The following PTPRM variants were observed in gnomAD, a reference collection of about 807,000 sequenced individuals.
PTPRM encodes the protein protein tyrosine phosphatase receptor type M, also known as receptor-type tyrosine-protein phosphatase mu.
PTPRM carries 47 observed loss-of-function variants against 186.7 expected under a neutral mutation model. The ratio of observed to expected loss-of-function variants is 0.25; its 90% CI spans 0.20 to 0.32. PTPRM has a LOEUF of 0.32. PTPRM is among the 10% of genes least tolerant of loss of function. The probability of loss-of-function intolerance (pLI) is 1.00; values close to 1 mark genes in which losing one functional copy is unlikely to be tolerated. For synonymous variants in PTPRM, 668 were observed against 674.9 expected (o/e 0.99, Z 0.16); for missense variants, 1,494 against 1,865.0 (o/e 0.80, Z 3.66).
intron 2 of PTPRM, chr18:7,887,878 A>G (rs1567970160): frequency 1.4e-6 from 1 of 696,814 alleles, no homozygotes; most frequent in Admixed American, 2.0e-5. Flanking sequence ...AAATTACAGT[A>G]ACATCCAGGG....
chr18:8,147,187 C>T (rs1023111252), intron 14 of PTPRM, among the ~76,000 whole-genome samples: 6 of 152,052 alleles, frequency 3.9e-5, no homozygotes, highest in Non-Finnish European at 7.4e-5. Flanking sequence ...CTATGAAGAA[C>T]GTCAATGGTA....
At chr18:7,780,403 C>A (rs1598669981) in intron 2 of PTPRM, among the ~76,000 whole-genome samples, 1 of 152,254 alleles carries the variant, frequency 6.6e-6, no homozygotes, top group East Asian at 1.9e-4. Context: ...GAACATGCAT[C>A]TGGGGAAGAG....
At chr18:8,050,451 T>G (rs2087402089) in intron 7 of PTPRM, among the ~76,000 whole-genome samples, 1 of 151,378 alleles carries the variant, frequency 6.6e-6, no homozygotes, top group South Asian at 2.1e-4. Flanking sequence ...TGAATATGAA[T>G]ATTGAACTCT....
chr18:7,924,514 A>G (rs1425232512), intron 4 of PTPRM, among the ~76,000 whole-genome samples: 1 of 152,198 alleles, frequency 6.6e-6, no homozygotes, highest in Non-Finnish European at 1.5e-5. Flanking sequence ...ATGATTATAA[A>G]GTTTTTTATA....
chr18:7,985,003 G>A (rs1236273448), intron 7 of PTPRM, among the ~76,000 whole-genome samples: 197 of 101,734 alleles, frequency 1.9e-3, no homozygotes, highest in African/African-American at 3.8e-3. Flanking sequence ...ACATATAATT[G>A]TATATACATA....
At chr18:7,670,470 A>G (rs2039195225) in intron 1 of PTPRM, among the ~76,000 whole-genome samples, 1 of 152,228 alleles carries the variant, frequency 6.6e-6, no homozygotes, top group African/African-American at 2.4e-5. Context: ...CAGAAAGAAA[A>G]TGTGTATTAC....
chr18:8,190,129 A>G (rs1461480415), intron 14 of PTPRM, among the ~76,000 whole-genome samples: 2 of 152,160 alleles, frequency 1.3e-5, no homozygotes, highest in Non-Finnish European at 2.9e-5. Flanking sequence ...TTGTGGTGAG[A>G]ACACTTAAAA....
At chr18:7,615,332 C>A (rs1446045493) in intron 1 of PTPRM, among the ~76,000 whole-genome samples, 3 of 151,936 alleles carry the variant, frequency 2.0e-5, no homozygotes, top group Non-Finnish European at 4.4e-5. Flanking sequence ...TTTCAAGGAT[C>A]ATGCTTAGTT....
In PTPRM at chr18:7,611,570, C is replaced by G. The variant is rs950446494; in HGVS notation, c.73+43679C>G. Among the ~76,000 whole-genome samples, 8 of 152,272 alleles carry G rather than the reference C, an allele frequency of 5.3e-5. No individual in the cohort carries two copies. In the South Asian group the frequency reaches 1.7e-3, roughly 32 times the overall value. On this transcript the variant is annotated intron_variant, in intron 1 of 32. Transcript: ENST00000580170. ...GTCTAGGAGCAATAGGCCATACCAG[C>G]CTAGGGGTATAGTAGGCTTGATATG...
intron 11 of PTPRM, 77 bp from the exon 12 acceptor site, chr18:8,113,409 G>A: frequency 1.5e-6 from 2 of 1,328,542 alleles, no homozygotes. Flanking sequence ...CGTGTCCTGT[G>A]GGTCCATGCA....
At chr18:7,685,217 GC>G (rs1169201171) in intron 1 of PTPRM, among the ~76,000 whole-genome samples, 2 of 152,082 alleles carry the variant, frequency 1.3e-5, no homozygotes, top group South Asian at 2.1e-4. Flanking sequence ...AAGTGCCCCT[GC>G]CCCTGTCTGA....
chr18:8,093,258 C>T (rs968449905), intron 11 of PTPRM, among the ~76,000 whole-genome samples: 1 of 152,108 alleles, frequency 6.6e-6, no homozygotes, highest in African/African-American at 2.4e-5. Context: ...AGCCTTTGAG[C>T]ATGCCAACCT....
chr18:7,899,205 G>A (rs540995598), intron 3 of PTPRM, among the ~76,000 whole-genome samples: 16 of 152,256 alleles, frequency 1.1e-4, no homozygotes, highest in African/African-American at 3.9e-4. Flanking sequence ...GAAAAGCATG[G>A]CACTAACTAG....
chr18:8,205,632 C>G (rs113827138), intron 14 of PTPRM, among the ~76,000 whole-genome samples: 6,627 of 152,268 alleles, frequency 0.044, 209 homozygotes, highest in Middle Eastern at 0.071. Flanking sequence ...ATCCACTACC[C>G]ATAACACATG....
At chr18:8,037,090 G>C (rs1369484786) in intron 7 of PTPRM, among the ~76,000 whole-genome samples, 3 of 152,150 alleles carry the variant, frequency 2.0e-5, no homozygotes, top group Non-Finnish European at 2.9e-5. Context: ...ATCTGGTGTT[G>C]TTTATAAGTA....
chr18:8,199,862 C>T (rs931718031), intron 14 of PTPRM, among the ~76,000 whole-genome samples: 6 of 151,918 alleles, frequency 3.9e-5, no homozygotes, highest in Non-Finnish European at 8.8e-5. Flanking sequence ...GCTTTATTGG[C>T]GCTGTGTGTA....
chr18:8,296,532 C>T (rs1050517561), intron 20 of PTPRM, 77 bp downstream of exon 20: 24 of 1,095,672 alleles, frequency 2.2e-5, no homozygotes, highest in Non-Finnish European at 3.1e-5. Context: ...CAGGCTCATA[C>T]AGAGGAAATT....
At chr18:8,147,825 T>C (rs1306865616) in intron 14 of PTPRM, among the ~76,000 whole-genome samples, 1 of 152,236 alleles carries the variant, frequency 6.6e-6, no homozygotes, top group Non-Finnish European at 1.5e-5. Flanking sequence ...GTTCCACCGA[T>C]ACCTAGCTTA....
intron 4 of PTPRM, among the ~76,000 whole-genome samples, chr18:7,920,660 G>C (rs1599512065): frequency 6.6e-6 from 1 of 152,058 alleles, no homozygotes; most frequent in Non-Finnish European, 1.5e-5. Context: ...GAATATTCTG[G>C]ATTTGTCTGT....
Sources: gnomAD v4.1 joint callset for allele counts (sites outside exome capture counted in the v4.1 genomes callset) on GRCh38, gnomAD v4.1.1 for gene constraint, MANE v1.5 for transcripts, NCBI Gene and HGNC (gene_info 2026-07-23, HGNC 2026-07-21) for gene names.